The following HDAC9 variants were observed in gnomAD, a reference collection of about 807,000 sequenced individuals.
HDAC9 encodes the protein histone deacetylase 9.
A neutral mutation model predicts 139.4 loss-of-function variants in HDAC9; 41 were observed. The observed-to-expected ratio is 0.29, with a 90% CI of 0.23 to 0.38. HDAC9 has a LOEUF of 0.38. Ranked by LOEUF, HDAC9 falls within the 10% of genes least tolerant of loss-of-function variation. The pLI is 1.00. For synonymous variants in HDAC9, 517 were observed against 476.2 expected, an observed-to-expected ratio of 1.09 and a Z score of -1.12; for missense variants, 1,147 against 1,297.0, an observed-to-expected ratio of 0.88 and a Z score of 1.78.
At chr7:18,668,349 T>C in intron 12 of HDAC9, 1 of 939,790 alleles carries the variant, frequency 1.1e-6, no homozygotes, top group Non-Finnish European at 1.3e-6. Context: ...ATTAAAAATA[T>C]GGCATGCCTA....
intron 21 of HDAC9, among the ~76,000 whole-genome samples, chr7:18,860,105 G>T (rs1797998816): frequency 1.3e-5 from 2 of 151,604 alleles, no homozygotes; most frequent in South Asian, 4.2e-4. Flanking sequence ...CCCTATGACT[G>T]ATTTGATGGT....
In HDAC9 at chr7:19,000,868, G is replaced by C. The variant is rs1786715684; in HGVS notation, c.*4806G>C. On this transcript the variant is annotated 3_prime_UTR_variant, in exon 26 of 26. Coordinates refer to ENST00000686413, the MANE Select transcript of HDAC9 (RefSeq NM_178425.4). ...AGTTTCTGAAATCTCTGTTTCCTTA[G>C]TAGAAATGACCTTGACAACTTATTT... 1 of 152,102 alleles carries C rather than the reference G, an allele frequency of 6.6e-6. No individual in the cohort carries two copies. The highest frequency in any genetic ancestry group is 1.5e-5 in the Non-Finnish European group (1 of 67,984). The allele number at this position is 152,102 out of a possible 1,614,324, so 9.4% of individuals were successfully genotyped here.
chr7:18,921,867 G>A (rs1367900257), intron 22 of HDAC9, among the ~76,000 whole-genome samples: 1 of 152,024 alleles, frequency 6.6e-6, no homozygotes, highest in African/African-American at 2.4e-5. Flanking sequence ...AGAAAATGTG[G>A]CACATATGCA....
Position 18,659,988 on chromosome 7 carries a change from A to T in HDAC9, c.1468-6225A>T, listed in dbSNP as rs559736545. Among the ~76,000 whole-genome samples, 4 of 152,280 alleles carry T rather than the reference A, an allele frequency of 2.6e-5. No individual in the cohort carries two copies. In the East Asian group the frequency reaches 7.7e-4, roughly 29 times the overall value. ...ACTCAGTGACAGTACAAATTAGAAA[A>T]GGGTTAGCCCATACCAGCTTTGCAG... On this transcript the variant is annotated intron_variant, in intron 11 of 25. Transcript: ENST00000686413.
At chr7:18,373,075 C>T (rs1408441156) in intron 1 of HDAC9, among the ~76,000 whole-genome samples, 3 of 152,102 alleles carry the variant, frequency 2.0e-5, no homozygotes, top group Non-Finnish European at 2.9e-5. Flanking sequence ...ATATCTCCCC[C>T]ATTATTTTTA....
At chr7:18,860,825 C>G (rs1798048570) in intron 21 of HDAC9, among the ~76,000 whole-genome samples, 1 of 152,098 alleles carries the variant, frequency 6.6e-6, no homozygotes, top group Non-Finnish European at 1.5e-5. Flanking sequence ...CAATCACAGG[C>G]AATTTTGAAG....
intron 1 of HDAC9, among the ~76,000 whole-genome samples, chr7:18,387,358 C>A (rs1379297077): frequency 6.6e-6 from 1 of 152,064 alleles, no homozygotes; most frequent in East Asian, 1.9e-4. Context: ...CATAATCCTG[C>A]CCATTTAAAA....
chr7:18,954,386 A>G, intron 24 of HDAC9, 156 bp downstream of exon 24: 1 of 607,426 alleles, frequency 1.6e-6, no homozygotes, highest in East Asian at 3.0e-5. Context: ...TAATGCAGCA[A>G]TCTTATCTTA....
chr7:18,918,890 T>G (rs185054215), intron 22 of HDAC9, among the ~76,000 whole-genome samples: 7 of 152,180 alleles, frequency 4.6e-5, no homozygotes, highest in Admixed American at 3.9e-4. Context: ...GTGTTGAGAA[T>G]CACGGCCTCT....
intron 1 of HDAC9, among the ~76,000 whole-genome samples, chr7:18,122,003 G>A (rs778091849): frequency 6.6e-6 from 1 of 151,528 alleles, no homozygotes; most frequent in Non-Finnish European, 1.5e-5. Flanking sequence ...TGAAATGAAG[G>A]CATTCTTGTA....
At chr7:18,212,997 CTT>C (rs1248976737) in intron 2 of HDAC9, among the ~76,000 whole-genome samples, 6 of 152,124 alleles carry the variant, frequency 3.9e-5, no homozygotes, top group Non-Finnish European at 7.4e-5. Flanking sequence ...GGCTTTTGCC[CTT>C]TTTGCTTTAG....
chr7:18,184,259 G>C (rs1475207900), intron 2 of HDAC9, among the ~76,000 whole-genome samples: 1 of 152,154 alleles, frequency 6.6e-6, no homozygotes. Flanking sequence ...TTAGCTGAGC[G>C]TTGCGGCACA....
At chr7:18,726,048 A>T (rs1395381475) in intron 12 of HDAC9, among the ~76,000 whole-genome samples, 2 of 152,240 alleles carry the variant, frequency 1.3e-5, no homozygotes, top group Non-Finnish European at 2.9e-5. Context: ...TTTAAAGTTG[A>T]TTTTAAATCA....
intron 2 of HDAC9, among the ~76,000 whole-genome samples, chr7:18,180,220 G>GACACACAC (rs1438507183): frequency 5.5e-5 from 5 of 91,054 alleles, no homozygotes; most frequent in Admixed American, 2.4e-4. Context: ...CCCTCCCCAA[G>GACACACAC]ACACATACAC....
intron 21 of HDAC9, among the ~76,000 whole-genome samples, chr7:18,863,396 G>T (rs1205284160): frequency 6.6e-6 from 1 of 152,196 alleles, no homozygotes; most frequent in Non-Finnish European, 1.5e-5. Flanking sequence ...TTTGAACGTG[G>T]CCCAACACAA....
intron 22 of HDAC9, among the ~76,000 whole-genome samples, chr7:18,933,286 G>T (rs1804943504): frequency 6.6e-6 from 1 of 152,116 alleles, no homozygotes; most frequent in African/African-American, 2.4e-5. Context: ...GGCAACAAGA[G>T]AACTAGAGGA....
At chr7:18,369,940 T>C (rs749423191) in intron 1 of HDAC9, among the ~76,000 whole-genome samples, 4 of 152,188 alleles carry the variant, frequency 2.6e-5, no homozygotes, top group Non-Finnish European at 5.9e-5. Flanking sequence ...TCTCATCACC[T>C]GCCAATGCAA....
intron 2 of HDAC9, among the ~76,000 whole-genome samples, chr7:18,573,503 G>A (rs74321818): frequency 1.1e-4 from 16 of 152,288 alleles, no homozygotes; most frequent in East Asian, 9.7e-4. Context: ...GCTAGTGCCC[G>A]TTTCTTTCCA....
At chr7:18,908,128 C>A (rs747001323) in intron 22 of HDAC9, among the ~76,000 whole-genome samples, 1 of 151,900 alleles carries the variant, frequency 6.6e-6, no homozygotes, top group Admixed American at 6.6e-5. Flanking sequence ...TATGCATATT[C>A]TTTAAAAACA....
Sources: gnomAD v4.1 joint callset for allele counts (sites outside exome capture counted in the v4.1 genomes callset) on GRCh38, gnomAD v4.1.1 for gene constraint, MANE v1.5 for transcripts, NCBI Gene and HGNC (gene_info 2026-07-23, HGNC 2026-07-21) for gene names.